The following ZNRF1 variants were observed in gnomAD, a reference collection of about 807,000 sequenced individuals.
ZNRF1 encodes E3 ubiquitin-protein ligase ZNRF1.
ZNRF1 carries 3 observed loss-of-function variants against 18.4 expected under a neutral mutation model. That is an observed-to-expected ratio of 0.16 (90% CI 0.07 to 0.42). The LOEUF is 0.42. Ranked by LOEUF, ZNRF1 falls within the 10% of genes least tolerant of loss-of-function variation. The pLI is 0.99. For synonymous variants in ZNRF1, 157 were observed against 144.2 expected (o/e 1.09, Z -0.64); for missense variants, 310 against 329.8 (o/e 0.94, Z 0.47).
At chr16:75,021,015 C>A (rs758637090) in intron 1 of ZNRF1, among the ~76,000 whole-genome samples, 1 of 152,088 alleles carries the variant, frequency 6.6e-6, no homozygotes, top group Non-Finnish European at 1.5e-5. Flanking sequence ...TGCTGTGGAT[C>A]GGTATTACAA....
Position 75,098,267 on chromosome 16 carries a change from A to G in ZNRF1, c.520+4600A>G, listed in dbSNP as rs376728242. On this transcript the variant is annotated intron_variant, in intron 2 of 4. Transcript: ENST00000335325. ...GGGGAGGCCTGCAAGGCCCTAACAC[A>G]AGTGGGGAAACCAGGAACAGGTGGC... Among the ~76,000 whole-genome samples, 22 of 152,296 alleles carry G rather than the reference A, an allele frequency of 1.4e-4. 2 individuals are homozygous for G. Among genetic ancestry groups the G allele is most frequent in the South Asian group, 1.0e-3 (5 of 4,830 alleles).
intron 1 of ZNRF1, among the ~76,000 whole-genome samples, chr16:75,033,849 C>A (rs1428620404): frequency 6.6e-6 from 1 of 152,088 alleles, no homozygotes; most frequent in Non-Finnish European, 1.5e-5. Flanking sequence ...ATACACTTAG[C>A]ATAAAAATTA....
chr16:75,002,984 G>T (rs1437068387), intron 1 of ZNRF1, among the ~76,000 whole-genome samples: 1 of 151,984 alleles, frequency 6.6e-6, no homozygotes, highest in African/African-American at 2.4e-5. Flanking sequence ...ACAGAGTTTC[G>T]CTCTTGTTGC....
chr16:75,035,131 C>G (rs2035361214), intron 1 of ZNRF1, among the ~76,000 whole-genome samples: 1 of 149,186 alleles, frequency 6.7e-6, no homozygotes. Flanking sequence ...CACCCCCCCT[C>G]CCCAGGTTCG....
chr16:75,083,605 A>G (rs964299446), intron 1 of ZNRF1, among the ~76,000 whole-genome samples: 3 of 152,348 alleles, frequency 2.0e-5, no homozygotes, highest in African/African-American at 7.2e-5. Context: ...ATGGAATACA[A>G]ACATTGAAAA....
chr16:75,033,210 C>A (rs1462944134), intron 1 of ZNRF1, among the ~76,000 whole-genome samples: 1 of 145,404 alleles, frequency 6.9e-6, no homozygotes, highest in East Asian at 2.0e-4. Flanking sequence ...TTAGGGTATT[C>A]TCAGGCTTTC....
chr16:75,044,913 G>A (rs528818553), intron 1 of ZNRF1, among the ~76,000 whole-genome samples: 1 of 152,320 alleles, frequency 6.6e-6, no homozygotes, highest in South Asian at 2.1e-4. Flanking sequence ...TCACCCATGG[G>A]CCTATTCAAA....
intron 1 of ZNRF1, among the ~76,000 whole-genome samples, chr16:75,077,464 A>C (rs2035954267): frequency 6.6e-6 from 1 of 152,248 alleles, no homozygotes; most frequent in African/African-American, 2.4e-5. Context: ...CCTGGGAGAC[A>C]GAGGTTGCGG....
rs761872353 is a variant in ZNRF1 at position 75,093,605 on chromosome 16, C to G, written c.458C>G (p.Ala153Gly). Reference sequence around the variant, plus strand: ...TGCCCCATTTGCTCCAAGTCTGTGGCTTCTGACGAGATGGAAATGCACTTT... The same window carrying G: ...TGCCCCATTTGCTCCAAGTCTGTGGGTTCTGACGAGATGGAAATGCACTTT... ...FKCPICSKSV[A>G]SDEMEMHFIM... is the part of the protein sequence containing the mutation. Residue 153 changes from alanine to glycine, a missense_variant, in exon 2 of 5, where the codon GCT (alanine) becomes GGT (glycine). Transcript: ENST00000335325. 4 of 1,614,092 alleles carry G rather than the reference C, an allele frequency of 2.5e-6. No individual in the cohort carries two copies. Among genetic ancestry groups the G allele is most frequent in the Non-Finnish European group, 3.4e-6 (4 of 1,179,944 alleles).
chr16:75,041,742 T>C (rs1371922187), intron 1 of ZNRF1, among the ~76,000 whole-genome samples: 4 of 151,986 alleles, frequency 2.6e-5, no homozygotes, highest in Admixed American at 1.3e-4. Context: ...TGCTTGCTTG[T>C]TGTTTTCTGT....
rs539343712 is a variant in ZNRF1 at position 75,094,121 on chromosome 16, C to T, written c.520+454C>T. On this transcript the variant is annotated intron_variant, in intron 2 of 4. Transcript: ENST00000335325. ...GTGGCATGCATAGAGTGCTGGGAAG[C>T]TGGTCGTCTCCTTGTCACGTTCGAA... is the stretch of plus-strand genomic sequence containing the variant. Among the ~76,000 whole-genome samples, 5 of 152,304 alleles carry T rather than the reference C, an allele frequency of 3.3e-5. No homozygotes were observed. The East Asian group carries it at 9.6e-4, about 29-fold the overall frequency.
chr16:75,038,672 A>G (rs1007552873), intron 1 of ZNRF1, among the ~76,000 whole-genome samples: 1 of 152,180 alleles, frequency 6.6e-6, no homozygotes, highest in Non-Finnish European at 1.5e-5. Flanking sequence ...AGCCAGTTAA[A>G]TAAGAATCTC....
chr16:75,036,636 C>T (rs1321309262), intron 1 of ZNRF1, among the ~76,000 whole-genome samples: 3 of 148,670 alleles, frequency 2.0e-5, no homozygotes, highest in African/African-American at 5.0e-5. Context: ...TTTTTTTGGC[C>T]GGGTGGACAA....
At chr16:75,061,301 C>A (rs1395264376) in intron 1 of ZNRF1, among the ~76,000 whole-genome samples, 2 of 152,178 alleles carry the variant, frequency 1.3e-5, no homozygotes, top group Non-Finnish European at 2.9e-5. Context: ...CCCCCCACAC[C>A]CCCAGTACCC....
intron 1 of ZNRF1, chr16:75,000,479 C>A (rs2145309665): frequency 2.5e-6 from 1 of 394,568 alleles, no homozygotes; most frequent in Non-Finnish European, 4.9e-6. Context: ...AGAGATGGAG[C>A]CAGTTGGAGC....
intron 1 of ZNRF1, among the ~76,000 whole-genome samples, chr16:75,064,226 G>A (rs912874661): frequency 2.0e-5 from 3 of 152,038 alleles, no homozygotes; most frequent in South Asian, 2.1e-4. Context: ...AGTTGAGCCC[G>A]GGAGGTGGAG....
At chr16:75,047,335 G>C (rs2035528402) in intron 1 of ZNRF1, among the ~76,000 whole-genome samples, 1 of 152,116 alleles carries the variant, frequency 6.6e-6, no homozygotes, top group Non-Finnish European at 1.5e-5. Context: ...ACCATGCCCA[G>C]CTAATTCTTA....
chr16:75,068,031 A>C (rs567454381), intron 1 of ZNRF1, among the ~76,000 whole-genome samples: 10 of 152,184 alleles, frequency 6.6e-5, no homozygotes, highest in African/African-American at 1.7e-4. Flanking sequence ...TTATTATAAA[A>C]ACTTTCAAAC....
chr16:75,045,897 CTT>C (rs368188768), intron 1 of ZNRF1, among the ~76,000 whole-genome samples: 2 of 147,716 alleles, frequency 1.4e-5, no homozygotes, highest in Admixed American at 6.8e-5. Context: ...TTAATGTTTG[CTT>C]TTTTTTTTAT....
Sources: allele counts gnomAD v4.1 joint callset (sites outside exome capture counted in the v4.1 genomes callset), GRCh38; gene constraint gnomAD v4.1.1; transcripts MANE v1.5; gene names NCBI Gene and HGNC (gene_info 2026-07-23, HGNC 2026-07-21).